Variants in EML6 observed in about 807,000 individuals in gnomAD.
EML6 encodes EMAP like 6, also known as echinoderm microtubule-associated protein-like 6.
A neutral mutation model predicts 240.1 loss-of-function variants in EML6; 154 were observed. That is an observed-to-expected ratio of 0.64 (90% CI 0.56 to 0.73). The LOEUF (loss-of-function observed/expected upper bound fraction) is 0.73, where lower values mean the gene tolerates loss of function less well. EML6 is among the 30% of genes least tolerant of loss of function. The pLI is 0.00. For missense variants in EML6, 2,964 were observed against 2,474.6 expected, an observed-to-expected ratio of 1.20 and a Z score of -4.20; for synonymous variants, 1,148 against 899.0, an observed-to-expected ratio of 1.28 and a Z score of -4.95.
intron 36 of EML6, among the ~76,000 whole-genome samples, chr2:54,963,161 C>T (rs922236226): frequency 3.9e-5 from 6 of 152,052 alleles, no homozygotes; most frequent in South Asian, 2.1e-4. Flanking sequence ...GAGTTCTTGC[C>T]GATCCTCATG....
chr2:54,790,442 C>G (rs961215395), intron 2 of EML6, among the ~76,000 whole-genome samples: 13 of 152,184 alleles, frequency 8.5e-5, no homozygotes, highest in African/African-American at 3.1e-4. Flanking sequence ...AAGTTTACAA[C>G]TAGTGGGAAA....
At chr2:54,761,120 A>G (rs1484073287) in intron 2 of EML6, among the ~76,000 whole-genome samples, 1 of 152,102 alleles carries the variant, frequency 6.6e-6, no homozygotes, top group Non-Finnish European at 1.5e-5. Flanking sequence ...CCAAATGATA[A>G]TAACTCTCAT....
chr2:54,835,457 C>G (rs1294423161), intron 7 of EML6, among the ~76,000 whole-genome samples: 1 of 152,144 alleles, frequency 6.6e-6, no homozygotes, highest in African/African-American at 2.4e-5. Flanking sequence ...AACTTGGTTT[C>G]TTTGTGTCAA....
intron 18 of EML6, among the ~76,000 whole-genome samples, chr2:54,892,002 T>C (rs1672493790): frequency 6.6e-6 from 1 of 152,252 alleles, no homozygotes; most frequent in East Asian, 1.9e-4. Flanking sequence ...GCTTATATTT[T>C]ACATTTACAG....
At chr2:54,945,448 G>A (rs1416260482) in intron 28 of EML6, among the ~76,000 whole-genome samples, 3 of 151,956 alleles carry the variant, frequency 2.0e-5, no homozygotes, top group Non-Finnish European at 4.4e-5. Flanking sequence ...CTTCAAACTT[G>A]AATTTCTTGG....
intron 30 of EML6, among the ~76,000 whole-genome samples, chr2:54,951,887 A>G (rs929200497): frequency 2.6e-5 from 4 of 151,868 alleles, no homozygotes; most frequent in East Asian, 1.9e-4. Flanking sequence ...TCATATTGGT[A>G]GCAGTACACA....
At position 54,958,483 on chromosome 2, in the gene EML6, C is replaced by T. The variant is rs530674161; in HGVS notation, c.4695+485C>T. Among the ~76,000 whole-genome samples the T allele has an allele frequency of 8.6e-5, 13 of 151,748 alleles. No individual in the cohort carries two copies. In the South Asian group the frequency reaches 2.5e-3, roughly 29 times the overall value. On this transcript the variant is annotated intron_variant, in intron 33 of 41. Coordinates refer to ENST00000356458, the MANE Select transcript of EML6 (RefSeq NM_001039753.4). ...CTAGGATTACAGGTGTGAGCCACCTCGCCTGGCCAATATTTTTTTTTTCTT... is the reference window on the plus strand; with the variant it reads ...CTAGGATTACAGGTGTGAGCCACCTTGCCTGGCCAATATTTTTTTTTTCTT...
At position 54,888,658 on chromosome 2, in the gene EML6, A is replaced by G. The variant is rs2104066239; in HGVS notation, c.2439-2396A>G. On this transcript the variant is annotated intron_variant, in intron 17 of 41. Transcript: ENST00000356458. The stretch of plus-strand genomic sequence containing the variant: ...ATTGGCTTCTTTTACTTAATGATAT[A>G]TATTTACATTTCTTCCATGTGTTTT... Among the ~76,000 whole-genome samples, 2 of 152,204 alleles carry G rather than the reference A, an allele frequency of 1.3e-5. 1 individual carries two copies.
rs116256009 is a variant in EML6, at chr2:54,819,963, C to T, written c.457-431C>T. ...TCTGTGATTACTAGAGACTGTTGGC[C>T]GCATTAAATTGTAGTTAACTATTGA... On this transcript the variant is annotated intron_variant, in intron 4 of 41. Transcript: ENST00000356458. 5.3e-3 allele frequency among the ~76,000 whole-genome samples: 808 copies of T among 152,042 alleles called. 6 individuals carry two copies. Among genetic ancestry groups the T allele is most frequent in the Non-Finnish European group, 7.5e-3 (511 of 67,994 alleles).
intron 26 of EML6, among the ~76,000 whole-genome samples, chr2:54,922,162 T>C (rs1452152323): frequency 6.6e-6 from 1 of 152,128 alleles, no homozygotes; most frequent in Admixed American, 6.5e-5. Context: ...GCAAACCATG[T>C]TTCTGATAAA....
intron 22 of EML6, among the ~76,000 whole-genome samples, chr2:54,901,377 C>A (rs1294282720): frequency 6.6e-6 from 1 of 152,174 alleles, no homozygotes; most frequent in African/African-American, 2.4e-5. Flanking sequence ...AAAGCCCATG[C>A]TCGTAATCAC....
At chr2:54,856,083 A>G (rs1338735753) in intron 11 of EML6, among the ~76,000 whole-genome samples, 2 of 152,276 alleles carry the variant, frequency 1.3e-5, no homozygotes, top group South Asian at 2.1e-4. Context: ...TCAGTTGCAC[A>G]GTAATTAGAC....
intron 5 of EML6, among the ~76,000 whole-genome samples, chr2:54,824,079 T>G (rs60037267): frequency 0.021 from 3,229 of 152,176 alleles, 124 homozygotes; most frequent in African/African-American, 0.074. Flanking sequence ...AGAAATTTCT[T>G]TAGTGAACTA....
At chr2:54,808,003 C>T (rs1223060404) in intron 2 of EML6, among the ~76,000 whole-genome samples, 2 of 152,210 alleles carry the variant, frequency 1.3e-5, no homozygotes, top group African/African-American at 4.8e-5. Flanking sequence ...AGATGCACCA[C>T]TCATCAAGCT....
intron 2 of EML6, among the ~76,000 whole-genome samples, chr2:54,743,699 T>C (rs1364483354): frequency 6.6e-6 from 1 of 152,216 alleles, no homozygotes. Flanking sequence ...ATACCTCTCT[T>C]GGTAAAATAC....
chr2:54,786,649 G>C (rs959439747), intron 2 of EML6, among the ~76,000 whole-genome samples: 8 of 152,284 alleles, frequency 5.3e-5, no homozygotes, highest in South Asian at 4.1e-4. Flanking sequence ...TGAGTTTCTG[G>C]CAAATATTAT....
At chr2:54,730,411 C>T (rs1487697868) in intron 2 of EML6, among the ~76,000 whole-genome samples, 1 of 152,032 alleles carries the variant, frequency 6.6e-6, no homozygotes, top group African/African-American at 2.4e-5. Flanking sequence ...AGTCCCTTGA[C>T]CAGTTTGAAT....
intron 15 of EML6, among the ~76,000 whole-genome samples, chr2:54,869,913 T>G (rs933233923): frequency 2.0e-5 from 3 of 152,296 alleles, no homozygotes; most frequent in East Asian, 3.9e-4. Flanking sequence ...TACAATCATT[T>G]GGGAGTGTAA....
At chr2:54,745,645 G>C (rs1046055764) in intron 2 of EML6, among the ~76,000 whole-genome samples, 1 of 152,186 alleles carries the variant, frequency 6.6e-6, no homozygotes, top group Non-Finnish European at 1.5e-5. Context: ...GCCAGGTGTG[G>C]TGGTGCACCT....
Sources: gnomAD v4.1 joint callset for allele counts (sites outside exome capture counted in the v4.1 genomes callset) on GRCh38, gnomAD v4.1.1 for gene constraint, MANE v1.5 for transcripts, NCBI Gene and HGNC (gene_info 2026-07-23, HGNC 2026-07-21) for gene names.